Variants in CLEC16A observed in about 807,000 individuals in gnomAD.
CLEC16A encodes C-type lectin domain containing 16A.
CLEC16A carries 51 observed loss-of-function variants against 109.5 expected under a neutral mutation model. The ratio of observed to expected loss-of-function variants is 0.47; its 90% CI spans 0.37 to 0.59. The LOEUF is 0.59. Ranked by LOEUF, CLEC16A falls within the 20% of genes least tolerant of loss-of-function variation. The probability of loss-of-function intolerance (pLI) is 0.00; values close to 1 mark genes in which losing one functional copy is unlikely to be tolerated. For missense variants in CLEC16A, 1,339 were observed against 1,394.0 expected, an observed-to-expected ratio of 0.96 and a Z score of 0.63; for synonymous variants, 673 against 564.2, an observed-to-expected ratio of 1.19 and a Z score of -2.73.
At chr16:10,953,772 C>T (rs745473133) in intron 1 of CLEC16A, among the ~76,000 whole-genome samples, 35 of 152,120 alleles carry the variant, frequency 2.3e-4, no homozygotes, top group African/African-American at 7.7e-4. Context: ...GTCAGGAGAT[C>T]GAGACCATCC....
At chr16:10,949,119 G>A (rs768153995) in intron 1 of CLEC16A, among the ~76,000 whole-genome samples, 11 of 152,212 alleles carry the variant, frequency 7.2e-5, no homozygotes, top group Non-Finnish European at 1.5e-4. Flanking sequence ...AGAATCAGGG[G>A]TTATTGCCCA....
At chr16:11,138,907 G>C (rs76058863) in intron 22 of CLEC16A, among the ~76,000 whole-genome samples, 3 of 151,996 alleles carry the variant, frequency 2.0e-5, no homozygotes, top group Non-Finnish European at 4.4e-5. Flanking sequence ...CTTGCGCAAG[G>C]GTTTCCTCAG....
At chr16:11,022,125 T>C (rs2046137226) in intron 12 of CLEC16A, among the ~76,000 whole-genome samples, 1 of 152,280 alleles carries the variant, frequency 6.6e-6, no homozygotes, top group South Asian at 2.1e-4. Flanking sequence ...TTCAGTTGCC[T>C]TGAGTTAGGC....
chr16:11,163,223 C>G (rs534727548), intron 22 of CLEC16A, among the ~76,000 whole-genome samples: 1 of 152,336 alleles, frequency 6.6e-6, no homozygotes, highest in Non-Finnish European at 1.5e-5. Flanking sequence ...CAGCACCCTC[C>G]TGATTCTCTG....
chr16:10,962,585 C>G lies in CLEC16A; in HGVS notation c.340C>G (p.Leu114Val). The change falls in exon 3 of 24, where the codon CTT becomes GTT. Residue 114 changes from leucine (L) to valine (V), a missense_variant. Coordinates refer to ENST00000409790, the MANE Select transcript of CLEC16A (RefSeq NM_015226.3). ...TGAGAACATCAGTCACGAGACCTCA[C>G]TTTGTAAGGACATTCCTTGGTATTT... Reference protein sequence around the residue: ...LFENISHETSLYYLLSNNYVN... With the variant: ...LFENISHETSVYYLLSNNYVN... 3.7e-6 allele frequency: 6 copies of G among 1,613,732 alleles called. No homozygotes were observed. In the South Asian group the frequency reaches 5.5e-5, roughly 15 times the overall value.
chr16:11,121,396 G>T (rs999617136), intron 20 of CLEC16A, among the ~76,000 whole-genome samples: 2 of 152,170 alleles, frequency 1.3e-5, no homozygotes, highest in African/African-American at 4.8e-5. Context: ...ATACCAAGAA[G>T]CTGGGGTGTA....
Position 11,042,329 on chromosome 16 carries a change from G to A in CLEC16A, c.1736G>A (p.Cys579Tyr). The A allele has an allele frequency of 1.9e-6, 3 of 1,592,228 alleles. No homozygotes were observed. Among genetic ancestry groups the A allele is most frequent in the Non-Finnish European group, 2.6e-6 (3 of 1,169,658 alleles). ...LKQQVLMSAGCIMKDVHLACL... is the reference protein window; with the variant it reads ...LKQQVLMSAGYIMKDVHLACL... ...CAGCAAGTCCTGATGAGTGCTGGCT[G>A]CATCATGAAGGACGTGCACCTGGCC... The change falls in exon 15 of 24, where the codon TGC becomes TAC. Residue 579 changes from cysteine (C) to tyrosine (Y), a missense_variant. Cys to Tyr is a radical substitution (Grantham distance 194). Around this residue, in one of 3 missense-constraint regions of CLEC16A, gnomAD observed 1,061 missense variants for 1,006.8 expected, o/e 1.05. Transcript: ENST00000409790.
chr16:11,041,529 G>C (rs7184431), intron 14 of CLEC16A: 101,545 of 152,224 alleles, frequency 0.67, 36,008 homozygotes, highest in African/African-American at 0.92. Context: ...AGCCCTTTCT[G>C]CACTGAGACT....
At position 10,969,333 on chromosome 16, in the gene CLEC16A, G is replaced by T. The variant is rs201416550; in HGVS notation, c.492+24G>T. On this transcript the variant is annotated intron_variant, in intron 4 of 23. Coordinates refer to ENST00000409790, the MANE Select transcript of CLEC16A (RefSeq NM_015226.3). ...AGGTAAGTAATTGCCAGAGGGGCAC[G>T]TGTGGGTGTAAAGCCACACGTGGCT... 3.9e-6 allele frequency: 6 copies of T among 1,548,866 alleles called. No individual in the cohort carries two copies. In the South Asian group the frequency reaches 7.4e-5, roughly 19 times the overall value.
At chr16:11,111,338 C>T (rs760394773) in intron 19 of CLEC16A, among the ~76,000 whole-genome samples, 2 of 152,174 alleles carry the variant, frequency 1.3e-5, no homozygotes, top group Non-Finnish European at 2.9e-5. Context: ...GGCTGTGGGC[C>T]TGGACCTTGG....
chr16:11,103,728 C>T (rs1436355858), intron 19 of CLEC16A, among the ~76,000 whole-genome samples: 1 of 152,048 alleles, frequency 6.6e-6, no homozygotes, highest in African/African-American at 2.4e-5. Flanking sequence ...TCTTTGGGCT[C>T]CCATGCTAGA....
intron 12 of CLEC16A, 141 bp downstream of exon 12, chr16:11,020,466 G>A (rs1032817251): frequency 6.3e-5 from 69 of 1,093,742 alleles, no homozygotes; most frequent in Non-Finnish European, 8.7e-5. Flanking sequence ...TGCTTCTCCA[G>A]CTCTGGCCAC....
At chr16:11,166,883 G>T (rs936843588) in intron 23 of CLEC16A, among the ~76,000 whole-genome samples, 3 of 152,200 alleles carry the variant, frequency 2.0e-5, no homozygotes, top group African/African-American at 7.2e-5. Flanking sequence ...ACAAGGAGGG[G>T]TCTCCCAAGG....
At chr16:11,042,934 T>G (rs1413261890) in intron 15 of CLEC16A, among the ~76,000 whole-genome samples, 1 of 150,286 alleles carries the variant, frequency 6.7e-6, no homozygotes, top group African/African-American at 2.4e-5. Flanking sequence ...TATTTACATA[T>G]ACAATATGTA....
intron 19 of CLEC16A, among the ~76,000 whole-genome samples, chr16:11,109,366 C>A (rs1194711057): frequency 6.6e-6 from 1 of 152,102 alleles, no homozygotes; most frequent in African/African-American, 2.4e-5. Flanking sequence ...GTTGCCCAGT[C>A]TGGTCTTGAG....
At chr16:11,061,090 A>G in intron 19 of CLEC16A, 68 bp downstream of exon 19, 2 of 1,481,432 alleles carry the variant, frequency 1.4e-6, no homozygotes, top group Non-Finnish European at 1.8e-6. Context: ...CACTCTGCTG[A>G]TTCACACGCC....
chr16:10,980,715 C>A (rs2043274986), intron 9 of CLEC16A, among the ~76,000 whole-genome samples: 1 of 152,054 alleles, frequency 6.6e-6, no homozygotes. Flanking sequence ...ATTCATTGTT[C>A]CTCAAACTTG....
rs57587174 is a variant in CLEC16A, at chr16:10,948,581, C to T, written c.80+3784C>T. 2.5e-3 allele frequency among the ~76,000 whole-genome samples: 381 copies of T among 152,314 alleles called. 3 individuals carry two copies. The highest frequency in any genetic ancestry group is 8.6e-3 in the African/African-American group (358 of 41,558). On this transcript the variant is annotated intron_variant, in intron 1 of 23. Coordinates refer to ENST00000409790, the MANE Select transcript of CLEC16A (RefSeq NM_015226.3). ...ATCATCTTTACCAGGGACTGCAAGT[C>T]TGCGGCTGGTAGAAATTGGTCGTTT...
At chr16:11,015,570 C>T (rs2045696518) in intron 11 of CLEC16A, among the ~76,000 whole-genome samples, 2 of 152,316 alleles carry the variant, frequency 1.3e-5, no homozygotes, top group South Asian at 4.1e-4. Context: ...CCTGGAGCAG[C>T]TCTGCGCTCA....
Sources: allele counts gnomAD v4.1 joint callset (sites outside exome capture counted in the v4.1 genomes callset), GRCh38; gene constraint gnomAD v4.1.1; regional missense constraint gnomAD v4.1.1; transcripts MANE v1.5; gene names NCBI Gene and HGNC (gene_info 2026-07-23, HGNC 2026-07-21).